FNDC3B: variants seen among roughly 807,000 people sequenced by gnomAD.
FNDC3B encodes the protein fibronectin type III domain containing 3B, also known as fibronectin type III domain-containing protein 3B.
A neutral mutation model predicts 151.5 loss-of-function variants in FNDC3B; 12 were observed. The observed-to-expected ratio is 0.08, with a 90% CI of 0.05 to 0.13. FNDC3B has a LOEUF of 0.13. Ranked by LOEUF, FNDC3B falls within the 10% of genes least tolerant of loss-of-function variation. The pLI is 1.00. For synonymous variants in FNDC3B, 528 were observed against 549.0 expected, an observed-to-expected ratio of 0.96 and a Z score of 0.54; for missense variants, 1,214 against 1,505.3, an observed-to-expected ratio of 0.81 and a Z score of 3.20.
intron 5 of FNDC3B, among the ~76,000 whole-genome samples, chr3:172,250,679 A>G (rs1237762292): frequency 6.6e-6 from 1 of 152,264 alleles, no homozygotes; most frequent in Non-Finnish European, 1.5e-5. Context: ...TTTAGGGATA[A>G]CAACCTTGTC....
At chr3:172,285,190 C>T (rs9838494) in intron 6 of FNDC3B, among the ~76,000 whole-genome samples, 35,825 of 151,930 alleles carry the variant, frequency 0.24, 4,664 homozygotes, top group African/African-American at 0.36. Flanking sequence ...GTTTCCTCAC[C>T]CTTACCCATC....
chr3:172,154,163 T>G (rs1722367126), intron 3 of FNDC3B, among the ~76,000 whole-genome samples: 1 of 152,156 alleles, frequency 6.6e-6, no homozygotes, highest in South Asian at 2.1e-4. Flanking sequence ...AGTCATAGTA[T>G]CACAGAATTT....
Position 172,091,913 on chromosome 3 carries a change from GGA to G in FNDC3B, c.-28-20537_-28-20536del, listed in dbSNP as rs76097503. 0.018 allele frequency among the ~76,000 whole-genome samples: 428 copies of G among 23,146 alleles called. 18 individuals carry two copies. In the East Asian group the frequency reaches 0.3, roughly 16 times the overall value. The allele number at this position is 23,146 out of a possible 152,430, so 15.2% of individuals were successfully genotyped here. A position where few individuals can be genotyped will look rare whatever the true frequency, so the allele number is the denominator to read the frequency against. On this transcript the variant is annotated intron_variant, in intron 1 of 25. Coordinates refer to ENST00000415807, the MANE Select transcript of FNDC3B (RefSeq NM_022763.4). ...GTGTGTGTGTGTGTGTGTGTGTTAGGGAGGTGAGGGGGTAGGGGAGTGCTGTA... is the reference window on the plus strand; with the variant it reads ...GTGTGTGTGTGTGTGTGTGTGTTAGGGGTGAGGGGGTAGGGGAGTGCTGTA...
intron 3 of FNDC3B, among the ~76,000 whole-genome samples, chr3:172,222,107 T>C (rs541844690): frequency 6.6e-6 from 1 of 152,338 alleles, no homozygotes; most frequent in South Asian, 2.1e-4. Flanking sequence ...AGCAAGATGA[T>C]ATTTAAATCA....
chr3:172,105,484 C>T (rs1204433248), intron 1 of FNDC3B, among the ~76,000 whole-genome samples: 4 of 151,932 alleles, frequency 2.6e-5, no homozygotes, highest in African/African-American at 2.4e-5. Flanking sequence ...ATCCCAAATC[C>T]GTCTTTCTCC....
chr3:172,328,851 A>T, intron 11 of FNDC3B, 101 bp from the exon 12 acceptor site: 1 of 873,150 alleles, frequency 1.1e-6, no homozygotes, highest in Non-Finnish European at 1.7e-6. Context: ...TAGGAAATTA[A>T]GCAGTTATTC....
chr3:172,319,134 A>G (rs1731958582), intron 11 of FNDC3B, among the ~76,000 whole-genome samples: 1 of 151,982 alleles, frequency 6.6e-6, no homozygotes, highest in Admixed American at 6.6e-5. Flanking sequence ...TAAATTATAA[A>G]TCTCCTCTTG....
At position 172,307,566 on chromosome 3, in the gene FNDC3B, G is replaced by A. The variant is rs949733556; in HGVS notation, c.1200+65G>A. ...AATTAGCCAGGTGTGGTGGCAACGT[G>A]TTCCTAGTCCCAGCTACCTGGGAGG... On this transcript the variant is annotated intron_variant, in intron 10 of 25. Coordinates refer to ENST00000415807, the MANE Select transcript of FNDC3B (RefSeq NM_022763.4). The A allele has an allele frequency of 8.4e-6, 13 of 1,544,000 alleles. No homozygotes were observed. In the African/African-American group the frequency reaches 1.8e-4, roughly 21 times the overall value.
chr3:172,387,233 G>A (rs1388966266), intron 25 of FNDC3B, among the ~76,000 whole-genome samples: 1 of 152,114 alleles, frequency 6.6e-6, no homozygotes. Flanking sequence ...CTGGATTACA[G>A]GCATGAGCCA....
intron 3 of FNDC3B, among the ~76,000 whole-genome samples, chr3:172,156,994 CATTT>C (rs1483903769): frequency 2.0e-5 from 3 of 152,172 alleles, no homozygotes. Flanking sequence ...AGAAAAGTCA[CATTT>C]ATCAATGGAC....
rs536174421 is a variant in FNDC3B at position 172,040,371 on chromosome 3, G to A, written c.-29+600G>A. On this transcript the variant is annotated intron_variant, in intron 1 of 25. Transcript: ENST00000415807. The surrounding 1 kb of genome is among the most constrained non-coding windows in gnomAD (Gnocchi z 6.6). ...GAACCCGGGGATGCTCGCGGGGAGG[G>A]TCCCGAGCCCGCGCCGGCCTGGCCC... Among the ~76,000 whole-genome samples, 1 of 151,968 alleles carries A rather than the reference G, an allele frequency of 6.6e-6. No homozygotes were observed. Among genetic ancestry groups the A allele is most frequent in the South Asian group, 2.1e-4 (1 of 4,826 alleles).
At position 172,381,010 on chromosome 3, in the gene FNDC3B, T is replaced by C; in HGVS notation, c.3220T>C (p.Trp1074Arg). Residue 1074 changes from tryptophan (W) to arginine (R), a missense_variant, in exon 25 of 26, where the codon TGG becomes CGG. Physicochemically the swap from Trp to Arg is moderately radical, Grantham distance 101 (BLOSUM62 -3). Transcript: ENST00000415807. ...QLEGNSCEIL[W>R]ETVPSMKGDP... ...AGAAGGAAATTCATGTGAAATTTTATGGGAGACGGTACCATCAATGAAAGG... is the reference window on the plus strand; with the variant it reads ...AGAAGGAAATTCATGTGAAATTTTACGGGAGACGGTACCATCAATGAAAGG... The C allele has an allele frequency of 6.2e-7, 1 of 1,613,874 alleles. No individual in the cohort carries two copies. The highest frequency in any genetic ancestry group is 8.5e-7 in the Non-Finnish European group (1 of 1,179,772).
chr3:172,223,465 G>C (rs113430759), intron 3 of FNDC3B, among the ~76,000 whole-genome samples: 5 of 152,322 alleles, frequency 3.3e-5, no homozygotes, highest in African/African-American at 1.2e-4. Context: ...AATCAAGACT[G>C]TGAAGAAAAC....
chr3:172,171,835 C>A (rs1003678472), intron 3 of FNDC3B, among the ~76,000 whole-genome samples: 1 of 151,218 alleles, frequency 6.6e-6, no homozygotes, highest in East Asian at 1.9e-4. Flanking sequence ...CTATAAACAG[C>A]AGATGTGTAC....
At chr3:172,220,992 A>G (rs535796966) in intron 3 of FNDC3B, among the ~76,000 whole-genome samples, 1 of 152,324 alleles carries the variant, frequency 6.6e-6, no homozygotes, top group East Asian at 1.9e-4. Context: ...GTTTCAGTAT[A>G]TAGACCATTC....
chr3:172,364,939 G>A (rs771418298), intron 23 of FNDC3B, among the ~76,000 whole-genome samples: 8 of 152,144 alleles, frequency 5.3e-5, no homozygotes, highest in Non-Finnish European at 1.0e-4. Flanking sequence ...TTAAAGTGAT[G>A]GGAATATAGA....
chr3:172,085,137 G>T (rs1718484468), intron 1 of FNDC3B, among the ~76,000 whole-genome samples: 3 of 152,162 alleles, frequency 2.0e-5, no homozygotes. Flanking sequence ...GACATCTTGG[G>T]ATGATACTGC....
At chr3:172,229,228 C>A (rs1353272935) in intron 4 of FNDC3B, among the ~76,000 whole-genome samples, 3 of 152,096 alleles carry the variant, frequency 2.0e-5, no homozygotes, top group African/African-American at 7.2e-5. Flanking sequence ...CCCCACAGTC[C>A]TCTTCCTAAA....
chr3:172,200,632 G>A (rs1050764679), intron 3 of FNDC3B, among the ~76,000 whole-genome samples: 1 of 152,222 alleles, frequency 6.6e-6, no homozygotes, highest in Non-Finnish European at 1.5e-5. Flanking sequence ...GCTAGGCTAA[G>A]CTATGATGTT....
Sources: gnomAD v4.1 joint callset for allele counts (sites outside exome capture counted in the v4.1 genomes callset) on GRCh38, gnomAD v4.1.1 for gene constraint, Gnocchi (gnomAD v3.1) non-coding constraint, MANE v1.5 for transcripts, NCBI Gene and HGNC (gene_info 2026-07-23, HGNC 2026-07-21) for gene names.